The following C6orf118 variants were observed in gnomAD, a reference collection of about 807,000 sequenced individuals.
The protein encoded by C6orf118 is uncharacterized protein C6orf118.
A neutral mutation model predicts 50.2 loss-of-function variants in C6orf118; 50 were observed. The observed-to-expected ratio is 1.00, with a 90% CI of 0.79 to 1.26. C6orf118 has a LOEUF of 1.26. Among genes scored for constraint, C6orf118 ranks in the 50% most tolerant of loss-of-function variants. The pLI is 0.00. For synonymous variants in C6orf118, 239 were observed against 230.9 expected, an observed-to-expected ratio of 1.03 and a Z score of -0.32; for missense variants, 641 against 578.7, an observed-to-expected ratio of 1.11 and a Z score of -1.10.
At chr6:165,287,865 A>T (rs1189245863) in intron 7 of C6orf118, among the ~76,000 whole-genome samples, 2 of 152,232 alleles carry the variant, frequency 1.3e-5, no homozygotes, top group Non-Finnish European at 2.9e-5. Flanking sequence ...TTCAGGATAT[A>T]GGCATAGGCA....
chr6:165,297,285 G>C (rs1352518436), intron 5 of C6orf118, among the ~76,000 whole-genome samples: 5 of 151,838 alleles, frequency 3.3e-5, no homozygotes, highest in African/African-American at 4.8e-5. Flanking sequence ...GCCGGGCGTG[G>C]TGGTACACAC....
rs115334723 is a variant in C6orf118, at chr6:165,287,463, C to T, written c.1302+2423G>A. ...ATTTCATATGGAAACAAAAAAGATC[C>T]CCTATAGCCAACACAACACTAAGCC... On this transcript the variant is annotated intron_variant, in intron 7 of 8. Transcript: ENST00000230301. 9.9e-3 allele frequency among the ~76,000 whole-genome samples: 1,511 copies of T among 152,132 alleles called. 28 individuals carry two copies. Among genetic ancestry groups the T allele is most frequent in the African/African-American group, 0.035 (1,437 of 41,526 alleles).
intron 7 of C6orf118, among the ~76,000 whole-genome samples, chr6:165,286,447 G>T (rs543522511): frequency 6.6e-6 from 1 of 152,078 alleles, no homozygotes; most frequent in African/African-American, 2.4e-5. Flanking sequence ...CATCATCCTG[G>T]TACCAAAACC....
At chr6:165,298,498 G>T (rs1328715049) in intron 4 of C6orf118, among the ~76,000 whole-genome samples, 3 of 152,286 alleles carry the variant, frequency 2.0e-5, no homozygotes, top group African/African-American at 7.2e-5. Flanking sequence ...GTAAAGCAGT[G>T]CTGTGCTCAA....
chr6:165,282,397 A>C (rs1779758123), intron 7 of C6orf118, among the ~76,000 whole-genome samples: 1 of 152,162 alleles, frequency 6.6e-6, no homozygotes, highest in Non-Finnish European at 1.5e-5. Context: ...GAAAAGTATT[A>C]GCAATTTTAG....
rs147148226 is a variant in C6orf118, at chr6:165,289,061, C to T, written c.1302+825G>A. Among the ~76,000 whole-genome samples, 1,492 of 151,770 alleles carry T rather than the reference C, an allele frequency of 9.8e-3. 28 individuals carry two copies. Among genetic ancestry groups the T allele is most frequent in the African/African-American group, 0.034 (1,416 of 41,416 alleles). On this transcript the variant is annotated intron_variant, in intron 7 of 8. Coordinates refer to ENST00000230301, the MANE Select transcript of C6orf118 (RefSeq NM_144980.4). ...TCATTCTTACAACAGTAAACCATAG[C>T]GTTTCCTCTATATTTAAATAATTTT...
rs187775628 is a variant in C6orf118, at chr6:165,294,056, C to T, written c.1062-585G>A. On this transcript the variant is annotated intron_variant, in intron 5 of 8. Coordinates refer to ENST00000230301, the MANE Select transcript of C6orf118 (RefSeq NM_144980.4). ...GGTCAGGAAATGGAGACCATCCTGG[C>T]TAACACGGTGAAACCCCATCTCCAC... 1.5e-3 allele frequency among the ~76,000 whole-genome samples: 225 copies of T among 152,058 alleles called. 1 individual carries two copies. The highest frequency in any genetic ancestry group is 5.1e-3 in the African/African-American group (213 of 41,492).
intron 1 of C6orf118, among the ~76,000 whole-genome samples, chr6:165,302,671 T>C (rs940679102): frequency 1.5e-4 from 23 of 152,214 alleles, no homozygotes; most frequent in African/African-American, 5.5e-4. Context: ...ATGTCTTCTT[T>C]AACGTATTTC....
intron 1 of C6orf118, among the ~76,000 whole-genome samples, chr6:165,305,100 G>A: frequency 1.5e-5 from 1 of 67,706 alleles, no homozygotes; most frequent in Non-Finnish European, 2.6e-5. Flanking sequence ...AACCAAAACA[G>A]CATGGTACTG....
chr6:165,307,756 G>C (rs1780796739), intron 1 of C6orf118, among the ~76,000 whole-genome samples: 1 of 152,148 alleles, frequency 6.6e-6, no homozygotes, highest in South Asian at 2.1e-4. Context: ...TCCAAGAACA[G>C]AGCAGCAGGC....
Position 165,301,083 on chromosome 6 carries a change from C to T in C6orf118, c.753+486G>A, listed in dbSNP as rs114602437. The stretch of plus-strand genomic sequence containing the variant: ...GCAGCCACATGGCCTCCAATGCGTC[C>T]GCTATGGGCCTCCCCCAGCTGACCA... On this transcript the variant is annotated intron_variant, in intron 2 of 8. Coordinates refer to ENST00000230301, the MANE Select transcript of C6orf118 (RefSeq NM_144980.4). 5.6e-3 allele frequency among the ~76,000 whole-genome samples: 858 copies of T among 152,262 alleles called. 9 individuals are homozygous for T. Among genetic ancestry groups the T allele is most frequent in the African/African-American group, 0.02 (818 of 41,552 alleles).
intron 3 of C6orf118, among the ~76,000 whole-genome samples, chr6:165,299,841 G>A (rs1374284124): frequency 6.6e-6 from 1 of 152,030 alleles, no homozygotes; most frequent in Non-Finnish European, 1.5e-5. Flanking sequence ...GTGCCACCAC[G>A]CCCAGCTAAT....
chr6:165,301,381 A>G (rs1401089126), intron 2 of C6orf118, among the ~76,000 whole-genome samples, 188 bp downstream of exon 2: 2 of 142,132 alleles, frequency 1.4e-5, no homozygotes, highest in Non-Finnish European at 3.1e-5. Context: ...CACCGAGAAC[A>G]CTGCACCGAG....
chr6:165,299,582 G>T, intron 3 of C6orf118, 80 bp from the exon 4 acceptor site: 3 of 1,079,044 alleles, frequency 2.8e-6, no homozygotes, highest in Non-Finnish European at 4.2e-6. Flanking sequence ...TAAATAATAC[G>T]GAAGTCAAGA....
intron 7 of C6orf118, among the ~76,000 whole-genome samples, chr6:165,286,510 A>T (rs1779909097): frequency 6.6e-6 from 1 of 152,204 alleles, no homozygotes; most frequent in Non-Finnish European, 1.5e-5. Flanking sequence ...TCTGATGAAC[A>T]TTGATGCAAA....
intron 1 of C6orf118, among the ~76,000 whole-genome samples, chr6:165,303,579 C>G (rs1202046226): frequency 7.8e-6 from 1 of 127,620 alleles, no homozygotes; most frequent in African/African-American, 3.3e-5. Flanking sequence ...GCTAGCAAGA[C>G]TAATAAAGAA....
chr6:165,285,857 T>A (rs1263803081), intron 7 of C6orf118, among the ~76,000 whole-genome samples: 4 of 151,164 alleles, frequency 2.6e-5, no homozygotes, highest in Non-Finnish European at 5.9e-5. Context: ...ACATCACAAC[T>A]AAAAGAACTA....
intron 8 of C6orf118, 55 bp from the exon 9 acceptor site, chr6:165,280,165 G>T: frequency 7.9e-7 from 1 of 1,270,736 alleles, no homozygotes; most frequent in South Asian, 1.3e-5. Flanking sequence ...CATTAAGCAT[G>T]AAATAAAATT....
At chr6:165,282,168 A>G (rs1366093151) in intron 7 of C6orf118, 1 of 152,292 alleles carries the variant, frequency 6.6e-6, no homozygotes, top group African/African-American at 2.4e-5. Flanking sequence ...TTATAAAAAT[A>G]CATTAAGTAA....
Sources: gnomAD v4.1 joint callset for allele counts (sites outside exome capture counted in the v4.1 genomes callset) on GRCh38, gnomAD v4.1.1 for gene constraint, MANE v1.5 for transcripts, NCBI Gene and HGNC (gene_info 2026-07-23, HGNC 2026-07-21) for gene names.